The following SLC22A13 variants were observed in gnomAD, a reference collection of about 807,000 sequenced individuals.
SLC22A13 encodes the protein solute carrier family 22 member 13.
Under a neutral mutation model 49.1 loss-of-function variants are expected in SLC22A13, and 42 were observed. The observed-to-expected ratio is 0.85, with a 90% confidence interval of 0.67 to 1.11. The LOEUF (loss-of-function observed/expected upper bound fraction) is 1.11. Ranked by LOEUF, SLC22A13 falls within the 50% of genes least tolerant of loss-of-function variation. SLC22A13 has a pLI of 0.00. For synonymous variants in SLC22A13, 282 were observed against 293.1 expected (o/e 0.96, Z 0.39); for missense variants, 694 against 712.8 (o/e 0.97, Z 0.30).
chr3:38,275,040 A>G lies in SLC22A13; in HGVS notation c.689A>G (p.Gln230Arg). ...AGGACGCAGGCCGTGGTCCTGGCCC[A>G]GTGCAACTTCTCCCTCGGGCAGATG... is the stretch of plus-strand genomic sequence containing the variant. ...SWRTQAVVLAQCNFSLGQMVL... is the reference protein window; with the variant it reads ...SWRTQAVVLARCNFSLGQMVL... Residue 230 changes from glutamine to arginine, a missense_variant, in exon 4 of 10, where the codon CAG becomes CGG. Physicochemically the swap from Gln to Arg is conservative, Grantham distance 43. Transcript: ENST00000311856. 1 of 1,614,248 alleles carries G rather than the reference A, an allele frequency of 6.2e-7. No homozygotes were observed. Among genetic ancestry groups the G allele is most frequent in the Non-Finnish European group, 8.5e-7 (1 of 1,180,040 alleles).
intron 1 of SLC22A13, among the ~76,000 whole-genome samples, chr3:38,272,019 A>G (rs1219858045): frequency 6.6e-6 from 1 of 152,132 alleles, no homozygotes; most frequent in African/African-American, 2.4e-5. Context: ...CTTCATCTCT[A>G]CCACCTGCAA....
chr3:38,275,944 T>TATCTGAG lies in SLC22A13; in HGVS notation c.1085_1086insATCTGAG (p.Tyr363SerfsTer13). On this transcript the variant is annotated frameshift_variant, in exon 7 of 10. Coordinates refer to ENST00000311856, the MANE Select transcript of SLC22A13 (RefSeq NM_004256.4). LOFTEE classifies it high-confidence loss of function. ...CAAGTGGGGGACTTCGGCCTGGACG[T>TATCTGAG]CTATCTGACGCAGCTCATCTTTGGA... 1 of 1,614,192 alleles carries TATCTGAG rather than the reference T, an allele frequency of 6.2e-7. No homozygotes were observed. Among genetic ancestry groups the TATCTGAG allele is most frequent in the Non-Finnish European group, 8.5e-7 (1 of 1,180,036 alleles).
Position 38,266,150 on chromosome 3 carries a change from A to G in SLC22A13, c.290A>G (p.Asp97Gly). ...CCCCCCGCCAATGCCAGCCTGCAGGACATCCTCAGCCACCGCTTCAATGAG... is the reference window on the plus strand; with the variant it reads ...CCCCCCGCCAATGCCAGCCTGCAGGGCATCCTCAGCCACCGCTTCAATGAG... ...RPPPANASLQ[D>G]ILSHRFNETQ... The change falls in exon 1 of 10, where the codon GAC (aspartate) becomes GGC (glycine). Residue 97 changes from aspartate to glycine, a missense_variant. Asp to Gly is a moderately conservative substitution (Grantham distance 94). Transcript: ENST00000311856. The G allele has an allele frequency of 1.2e-6, 2 of 1,614,148 alleles. No homozygotes were observed. Among genetic ancestry groups the G allele is most frequent in the South Asian group, 1.1e-5 (1 of 91,082 alleles).
intron 1 of SLC22A13, 112 bp downstream of exon 1, chr3:38,266,350 A>C (rs994586888): frequency 8.4e-7 from 1 of 1,196,504 alleles, no homozygotes; most frequent in Admixed American, 2.1e-5. Flanking sequence ...CCATATGGTC[A>C]ACCATGGGCA....
At chr3:38,271,183 A>C (rs139743710) in intron 1 of SLC22A13, among the ~76,000 whole-genome samples, 79 of 152,352 alleles carry the variant, frequency 5.2e-4, no homozygotes, top group African/African-American at 1.8e-3. Flanking sequence ...AGAGAAAAGT[A>C]TATTTCCATA....
Position 38,275,072 on chromosome 3 carries a change from G to GC in SLC22A13, c.722dup (p.Leu243ThrfsTer57). 1.2e-6 allele frequency: 2 copies of GC among 1,614,244 alleles called. No homozygotes were observed. The highest frequency in any genetic ancestry group is 1.7e-6 in the Non-Finnish European group (2 of 1,180,044). On this transcript the variant is annotated frameshift_variant, in exon 4 of 10. Coordinates refer to ENST00000311856, the MANE Select transcript of SLC22A13 (RefSeq NM_004256.4). LOFTEE classifies it high-confidence loss of function. ...CTTCTCCCTCGGGCAGATGGTGCTT[G>GC]CGGGACTCGCCTACGGTTTCCGCAA...
intron 7 of SLC22A13, 45 bp from the exon 8 acceptor site, chr3:38,276,242 A>C: frequency 6.5e-7 from 1 of 1,540,504 alleles, no homozygotes; most frequent in Non-Finnish European, 8.9e-7. Context: ...AGTGGATGGG[A>C]CCGGCGTCAG....
intron 6 of SLC22A13, 94 bp downstream of exon 6, chr3:38,275,766 T>A: frequency 6.7e-7 from 1 of 1,484,464 alleles, no homozygotes; most frequent in Non-Finnish European, 9.3e-7. Context: ...TTGGCTGGGA[T>A]GGTCTCTCCC....
intron 4 of SLC22A13, 84 bp from the exon 5 acceptor site, chr3:38,275,286 T>A: frequency 6.3e-7 from 1 of 1,596,668 alleles, no homozygotes; most frequent in South Asian, 1.1e-5. Flanking sequence ...CACAGCTGGG[T>A]GTGGGGTTCA....
chr3:38,276,044 G>A lies in SLC22A13; in HGVS notation c.1185G>A (p.Gly395=), dbSNP rs141161922. The A allele has an allele frequency of 3.7e-6, 6 of 1,614,114 alleles. No homozygotes were observed. In the African/African-American group the frequency reaches 4.0e-5, roughly 11 times the overall value. ...TTGGCCGCAAGTGGAGCCAGTTGGGGACCTTGGTCTTGGGTGGCCTGATGT... is the reference window on the plus strand; with the variant it reads ...TTGGCCGCAAGTGGAGCCAGTTGGGAACCTTGGTCTTGGGTGGCCTGATGT... ...QRFGRKWSQL[G]TLVLGGLMCI... The change falls in exon 7 of 10, where the codon GGG becomes GGA. Residue 395 remains glycine, a synonymous_variant. Transcript: ENST00000311856.
rs569622178 is a variant in SLC22A13 at position 38,274,933 on chromosome 3, G to T, written c.638-56G>T. The T allele has an allele frequency of 5.0e-6, 8 of 1,597,678 alleles. No homozygotes were observed. The African/African-American group carries it at 1.1e-4, about 21-fold the overall frequency. ...AGCCCCCACAGGGTGGCATCTAGGA[G>T]TAATGGGGAGTGAATGGCAGGGATT... On this transcript the variant is annotated intron_variant, in intron 3 of 9. Coordinates refer to ENST00000311856, the MANE Select transcript of SLC22A13 (RefSeq NM_004256.4).
In SLC22A13 at chr3:38,277,308, T is replaced by C. The variant is rs1317363830; in HGVS notation, c.1563-64T>C. On this transcript the variant is annotated intron_variant, in intron 9 of 9. Coordinates refer to ENST00000311856, the MANE Select transcript of SLC22A13 (RefSeq NM_004256.4). ...ATTCCCCTTACTTTGAGGAGGGAGGTGGTGAGGACACTGTCATGGGACCAA... is the reference window on the plus strand; with the variant it reads ...ATTCCCCTTACTTTGAGGAGGGAGGCGGTGAGGACACTGTCATGGGACCAA... 3 of 1,285,220 alleles carry C rather than the reference T, an allele frequency of 2.3e-6. No homozygotes were observed. The East Asian group carries it at 7.0e-5, about 30-fold the overall frequency. 79.6% of individuals were successfully genotyped at this position (1,285,220 alleles called of 1,614,324 possible).
intron 1 of SLC22A13, among the ~76,000 whole-genome samples, chr3:38,273,949 A>G (rs541278253): frequency 6.6e-6 from 1 of 152,378 alleles, no homozygotes; most frequent in Admixed American, 6.5e-5. Context: ...GCAACTGCCA[A>G]AAGCACTTTC....
chr3:38,271,763 A>G (rs1467640478), intron 1 of SLC22A13, among the ~76,000 whole-genome samples: 1 of 152,126 alleles, frequency 6.6e-6, no homozygotes, highest in Non-Finnish European at 1.5e-5. Context: ...ATGGCAAAAG[A>G]GACTGGGAAA....
Position 38,276,303 on chromosome 3 carries a change from C to T in SLC22A13, c.1254C>T (p.Val418=). The T allele has an allele frequency of 6.2e-7, 1 of 1,613,068 alleles. No individual in the cohort carries two copies. The highest frequency in any genetic ancestry group is 1.1e-5 in the South Asian group (1 of 90,904). The change falls in exon 8 of 10, where the codon GTC becomes GTT. Residue 418 remains valine (V), a synonymous_variant. Coordinates refer to ENST00000311856, the MANE Select transcript of SLC22A13 (RefSeq NM_004256.4). ...CTCTGCCAGATCTGCCCGTGGTGGT[C>T]ACCATGCTGGCTGTGGTGGGGAAGA... The part of the protein sequence containing the change: ...IFIPADLPVV[V]TMLAVVGKMA...
chr3:38,275,299 T>C (rs1007220162), intron 4 of SLC22A13, 71 bp from the exon 5 acceptor site: 5 of 1,604,236 alleles, frequency 3.1e-6, no homozygotes, highest in Non-Finnish European at 3.4e-6. Context: ...GGGGTTCAGT[T>C]TGCACTGGAA....
At chr3:38,277,174 G>T in intron 9 of SLC22A13, 47 bp downstream of exon 9, 1 of 1,428,730 alleles carries the variant, frequency 7.0e-7, no homozygotes, top group South Asian at 1.2e-5. Context: ...TCTCACATTG[G>T]CCACGCACTC....
chr3:38,275,342 C>T, intron 4 of SLC22A13, 28 bp from the exon 5 acceptor site: 3 of 1,613,888 alleles, frequency 1.9e-6, no homozygotes, highest in Non-Finnish European at 2.5e-6. Flanking sequence ...CTCCAGGCCC[C>T]AAGGTCATAG....
chr3:38,276,144 C>T (rs1232271451), intron 7 of SLC22A13, 48 bp downstream of exon 7: 1 of 1,548,166 alleles, frequency 6.5e-7, no homozygotes, highest in African/African-American at 1.4e-5. Flanking sequence ...CACCCACCGG[C>T]TGCCAGGGGC....
Sources: gnomAD v4.1 joint callset for allele counts (sites outside exome capture counted in the v4.1 genomes callset) on GRCh38, gnomAD v4.1.1 for gene constraint, MANE v1.5 for transcripts, NCBI Gene and HGNC (gene_info 2026-07-23, HGNC 2026-07-21) for gene names.